The following CDH12 variants were observed in gnomAD, a reference collection of about 807,000 sequenced individuals.
The protein encoded by CDH12 is cadherin 12.
Under a neutral mutation model 74.1 loss-of-function variants are expected in CDH12, and 41 were observed. The ratio of observed to expected loss-of-function variants is 0.55; its 90% confidence interval spans 0.43 to 0.72. CDH12 has a LOEUF of 0.72. Among genes scored for constraint, CDH12 ranks in the 30% least tolerant of loss-of-function variants. CDH12 has a pLI of 0.00. For synonymous variants in CDH12, 399 were observed against 355.0 expected (o/e 1.12, Z -1.39); for missense variants, 945 against 977.2 (o/e 0.97, Z 0.44).
At chr5:21,821,676 T>C (rs2149952589) in intron 8 of CDH12, among the ~76,000 whole-genome samples, 1 of 152,012 alleles carries the variant, frequency 6.6e-6, no homozygotes, top group South Asian at 2.1e-4. Flanking sequence ...GATGAAAATG[T>C]TAAACATTTT....
At chr5:21,902,901 A>T (rs939748543) in intron 6 of CDH12, among the ~76,000 whole-genome samples, 1 of 152,174 alleles carries the variant, frequency 6.6e-6, no homozygotes, top group African/African-American at 2.4e-5. Flanking sequence ...TGGAAGAATG[A>T]TAAGACGAAG....
chr5:22,755,300 T>C (rs1220022238), intron 1 of CDH12, among the ~76,000 whole-genome samples: 1 of 152,182 alleles, frequency 6.6e-6, no homozygotes, highest in Non-Finnish European at 1.5e-5. Flanking sequence ...AAATGTTATA[T>C]AATTGTTAAA....
At chr5:22,501,561 G>A (rs182041029) in intron 2 of CDH12, among the ~76,000 whole-genome samples, 1 of 151,496 alleles carries the variant, frequency 6.6e-6, no homozygotes, top group African/African-American at 2.4e-5. Flanking sequence ...CCAATGACAA[G>A]TCCATTGTGA....
intron 1 of CDH12, among the ~76,000 whole-genome samples, chr5:22,542,599 T>C (rs760493035): frequency 2.6e-5 from 4 of 152,188 alleles, no homozygotes; most frequent in Non-Finnish European, 4.4e-5. Flanking sequence ...TTAATTACAC[T>C]GACAGTTCGT....
intron 1 of CDH12, among the ~76,000 whole-genome samples, chr5:22,675,636 G>A (rs1027595952): frequency 6.6e-6 from 1 of 151,720 alleles, no homozygotes; most frequent in Non-Finnish European, 1.5e-5. Context: ...GATTTAGGAG[G>A]GGCCAGGGGA....
At position 21,857,144 on chromosome 5, in the gene CDH12, A is replaced by C. The variant is rs138166724; in HGVS notation, c.527-2354T>G. On this transcript the variant is annotated intron_variant, in intron 6 of 14. Transcript: ENST00000382254. Reference sequence around the variant, plus strand: ...GGACTACCTTTTTCAGTGCTTGGATAGCACACCAGCTGTTCCTGACACTAT... The same window carrying C: ...GGACTACCTTTTTCAGTGCTTGGATCGCACACCAGCTGTTCCTGACACTAT... Among the ~76,000 whole-genome samples the C allele has an allele frequency of 5.9e-5, 9 of 151,934 alleles. No homozygotes were observed. The East Asian group carries it at 1.8e-3, about 30-fold the overall frequency.
At chr5:21,832,337 C>T (rs1023461399) in intron 8 of CDH12, among the ~76,000 whole-genome samples, 2 of 152,042 alleles carry the variant, frequency 1.3e-5, no homozygotes, top group African/African-American at 4.8e-5. Context: ...ATAGCCATGA[C>T]AAATTATGTT....
Position 22,266,599 on chromosome 5 carries a change from C to T in CDH12, c.-332-53956G>A, listed in dbSNP as rs190844732. Among the ~76,000 whole-genome samples, 4 of 152,098 alleles carry T rather than the reference C, an allele frequency of 2.6e-5. No homozygotes were observed. In the East Asian group the frequency reaches 7.7e-4, roughly 29 times the overall value. ...TTTAGGGTAGGAAATATGTAAAAGT[C>T]CTGTGACTCAGCTTTTCTCTGGGCA... On this transcript the variant is annotated intron_variant, in intron 3 of 14. Transcript: ENST00000382254.
intron 1 of CDH12, among the ~76,000 whole-genome samples, chr5:22,532,217 A>T (rs1037034214): frequency 6.0e-5 from 9 of 150,006 alleles, no homozygotes; most frequent in Admixed American, 4.6e-4. Flanking sequence ...TTACTGGTCA[A>T]CTCCTTTGTA....
Position 21,783,348 on chromosome 5 carries a change from C to A in CDH12, c.1393+10G>T, listed in dbSNP as rs920540706. 9 of 1,610,126 alleles carry A rather than the reference C, an allele frequency of 5.6e-6. No individual in the cohort carries two copies. Among genetic ancestry groups the A allele is most frequent in the Non-Finnish European group, 7.6e-6 (9 of 1,177,272 alleles). ...CAGTATAACATTGATTCTGTCCATG[C>A]CATACTTACTAACTTTACTCGCAAT... On this transcript the variant is annotated intron_variant, in intron 11 of 14. Coordinates refer to ENST00000382254, the MANE Select transcript of CDH12 (RefSeq NM_004061.5).
chr5:21,994,281 C>T (rs1333695681), intron 5 of CDH12, among the ~76,000 whole-genome samples: 2 of 150,288 alleles, frequency 1.3e-5, no homozygotes, highest in Non-Finnish European at 2.9e-5. Flanking sequence ...AGAGACTACA[C>T]ACAAAGGGAG....
chr5:22,028,074 C>G (rs1390173446), intron 5 of CDH12, among the ~76,000 whole-genome samples: 2 of 151,892 alleles, frequency 1.3e-5, no homozygotes, highest in Non-Finnish European at 2.9e-5. Context: ...CGTTATGTAC[C>G]CAGTAGTCAT....
chr5:22,346,666 G>A (rs948112893), intron 3 of CDH12, among the ~76,000 whole-genome samples: 3 of 152,064 alleles, frequency 2.0e-5, no homozygotes, highest in Admixed American at 6.5e-5. Flanking sequence ...CATGAAACAC[G>A]GTACTCACTC....
At chr5:22,466,453 T>A (rs533613791) in intron 2 of CDH12, among the ~76,000 whole-genome samples, 1 of 152,050 alleles carries the variant, frequency 6.6e-6, no homozygotes, top group South Asian at 2.1e-4. Context: ...TGGGTTTGGG[T>A]TTGTGTAAGT....
At chr5:22,119,081 A>G (rs1354095049) in intron 4 of CDH12, among the ~76,000 whole-genome samples, 1 of 152,070 alleles carries the variant, frequency 6.6e-6, no homozygotes, top group African/African-American at 2.4e-5. Context: ...TCTAATCAAG[A>G]CCTTGAGTGC....
intron 6 of CDH12, among the ~76,000 whole-genome samples, chr5:21,872,302 C>T (rs1372397811): frequency 6.6e-6 from 1 of 152,138 alleles, no homozygotes; most frequent in Non-Finnish European, 1.5e-5. Context: ...TCAGACTATA[C>T]ATATTTACAC....
intron 1 of CDH12, among the ~76,000 whole-genome samples, chr5:22,767,121 G>C (rs1338415391): frequency 2.0e-5 from 3 of 151,936 alleles, no homozygotes; most frequent in African/African-American, 7.2e-5. Context: ...TGAATCTAAT[G>C]TTTGTGGATT....
intron 1 of CDH12, among the ~76,000 whole-genome samples, chr5:22,523,189 C>T (rs142815113): frequency 2.6e-5 from 4 of 152,174 alleles, no homozygotes; most frequent in East Asian, 1.9e-4. Context: ...TTTTATTTTC[C>T]GTTTTCTTTA....
chr5:22,636,890 G>T (rs1738869570), intron 1 of CDH12, among the ~76,000 whole-genome samples: 2 of 152,190 alleles, frequency 1.3e-5, no homozygotes, highest in Non-Finnish European at 2.9e-5. Context: ...GTGGAACATT[G>T]AAGAGGACAA....
Sources: allele counts gnomAD v4.1 joint callset (sites outside exome capture counted in the v4.1 genomes callset), GRCh38; gene constraint gnomAD v4.1.1; transcripts MANE v1.5; gene names NCBI Gene and HGNC (gene_info 2026-07-23, HGNC 2026-07-21).